Variants in FAM110A observed in about 807,000 individuals in gnomAD.
The protein encoded by FAM110A is protein FAM110A.
A neutral mutation model predicts 4.0 loss-of-function variants in FAM110A; 1 was observed. The observed-to-expected ratio is 0.25, with a 90% confidence interval of 0.09 to 1.20. FAM110A has a LOEUF of 1.20. FAM110A is among the 50% of genes most tolerant of loss of function. The pLI is 0.50. For missense variants in FAM110A, 436 were observed against 429.2 expected, an observed-to-expected ratio of 1.02 and a Z score of -0.14; for synonymous variants, 217 against 196.8, an observed-to-expected ratio of 1.10 and a Z score of -0.86.
chr20:845,098 A>G lies in FAM110A; in HGVS notation c.294A>G (p.Arg98=). ...PSRRALPGPC[R]RPQLDLDILS... ...GCCGAGCCCTGCCTGGCCCCTGCCG[A>G]CGGCCCCAGCTGGACCTGGACATCC... Residue 98 remains arginine (R), a synonymous_variant, in exon 2 of 2, where the codon CGA becomes CGG. Coordinates refer to ENST00000381941, the MANE Select transcript of FAM110A (RefSeq NM_001042353.3). The G allele has an allele frequency of 6.3e-7, 1 of 1,596,060 alleles. No homozygotes were observed. Among genetic ancestry groups the G allele is most frequent in the South Asian group, 1.1e-5 (1 of 88,778 alleles).
chr20:839,006 A>G (rs1979727149), intron 1 of FAM110A, among the ~76,000 whole-genome samples: 1 of 152,126 alleles, frequency 6.6e-6, no homozygotes, highest in African/African-American at 2.4e-5. Flanking sequence ...CCCATTTTAC[A>G]GCAGAGGAAA....
At chr20:839,407 G>A in intron 1 of FAM110A, 1 of 614,556 alleles carries the variant, frequency 1.6e-6, no homozygotes, top group Non-Finnish European at 3.0e-6. Context: ...TTTCTTTTTT[G>A]GCTGTAAGTT....
Position 845,572 on chromosome 20 carries a change from TGAG to T in FAM110A, c.772_774del (p.Glu258del), listed in dbSNP as rs774840303. 1.9e-5 allele frequency: 30 copies of T among 1,613,452 alleles called. No homozygotes were observed. Among genetic ancestry groups the T allele is most frequent in the Non-Finnish European group, 2.3e-5 (27 of 1,179,868 alleles). ...GCTCCCGCCGCAGCTCGGTGACTGT[TGAG>T]GAGCGGGCCCGGGAGCGCGTTCCCT... On this transcript the variant is annotated inframe_deletion, in exon 2 of 2. Coordinates refer to ENST00000381941, the MANE Select transcript of FAM110A (RefSeq NM_001042353.3).
chr20:844,973 C>A lies in FAM110A; in HGVS notation c.169C>A (p.Leu57Met). ...CGACAAGGCCAAGTACGTCAAGAGC[C>A]TGCACGTGGCCAACACCCGCCAGGA... is the stretch of plus-strand genomic sequence containing the variant. The part of the protein sequence containing the change: ...EADKAKYVKS[L>M]HVANTRQEPV... Residue 57 changes from leucine to methionine, a missense_variant, in exon 2 of 2, where the codon CTG (leucine) becomes ATG (methionine). Leu to Met is a conservative substitution (Grantham distance 15). Transcript: ENST00000381941. The A allele has an allele frequency of 6.3e-7, 1 of 1,596,002 alleles. No individual in the cohort carries two copies. The highest frequency in any genetic ancestry group is 1.3e-5 in the African/African-American group (1 of 74,546).
chr20:839,308 G>A (rs1184726450), intron 1 of FAM110A: 2 of 408,658 alleles, frequency 4.9e-6, no homozygotes, highest in Middle Eastern at 8.2e-4. Context: ...AGCCCTCACA[G>A]GGTAGGTGTG....
intron 1 of FAM110A, among the ~76,000 whole-genome samples, chr20:837,347 G>A (rs557398471): frequency 2.0e-5 from 3 of 152,320 alleles, no homozygotes; most frequent in African/African-American, 7.2e-5. Flanking sequence ...ACTGCACCCA[G>A]TCATGACTCT....
intron 1 of FAM110A, among the ~76,000 whole-genome samples, chr20:844,429 CTGCTCAGGT>C (rs1267141678): frequency 1.5e-4 from 3 of 19,586 alleles, no homozygotes; most frequent in African/African-American, 5.5e-4. Flanking sequence ...CCTGTCTTTT[CTGCTCAGGT>C]TGCCCAGGTC....
intron 1 of FAM110A, chr20:839,721 G>A (rs1979773793): frequency 1.6e-6 from 2 of 1,283,852 alleles, no homozygotes; most frequent in South Asian, 1.2e-5. Flanking sequence ...AATCTCTGGG[G>A]GCAGATGAAG....
chr20:844,154 C>T (rs1474742356), intron 1 of FAM110A, among the ~76,000 whole-genome samples: 1 of 152,198 alleles, frequency 6.6e-6, no homozygotes, highest in East Asian at 1.9e-4. Flanking sequence ...GTACCAGGCT[C>T]CCTGTGGGGA....
rs1171519512 is a variant in FAM110A, at chr20:845,350, G to A, written c.546G>A (p.Pro182=). ...CCGCCTCCAGCCCAGCCCGGCCGCC[G>A]GGTTTGCAACGCTCCAAGTCGGACT... is the stretch of plus-strand genomic sequence containing the variant. ...PAAASSPARP[P]GLQRSKSDLS... The change falls in exon 2 of 2, where the codon CCG becomes CCA. Residue 182 remains proline, a synonymous_variant. Coordinates refer to ENST00000381941, the MANE Select transcript of FAM110A (RefSeq NM_001042353.3). 16 of 1,601,944 alleles carry A rather than the reference G, an allele frequency of 1.0e-5. No individual in the cohort carries two copies. The highest frequency in any genetic ancestry group is 1.7e-5 in the Admixed American group (1 of 58,450).
At position 845,160 on chromosome 20, in the gene FAM110A, C is replaced by T; in HGVS notation, c.356C>T (p.Ser119Phe). The change falls in exon 2 of 2, where the codon TCC (serine) becomes TTC (phenylalanine). Residue 119 changes from serine (S) to phenylalanine (F), a missense_variant. Transcript: ENST00000381941. ...SLIDLCDSPV[S>F]PAEASRTPGR... ...ATCGACTTGTGTGACAGCCCCGTGT[C>T]CCCTGCCGAGGCCAGCCGCACTCCT... is the stretch of plus-strand genomic sequence containing the variant. 1 of 1,574,096 alleles carries T rather than the reference C, an allele frequency of 6.4e-7. No homozygotes were observed. Among genetic ancestry groups the T allele is most frequent in the African/African-American group, 1.4e-5 (1 of 73,902 alleles).
Position 833,948 on chromosome 20 carries a change from C to G in FAM110A, c.-101C>G, listed in dbSNP as rs1209327991. On this transcript the variant is annotated 5_prime_UTR_variant, in exon 1 of 2. Coordinates refer to ENST00000381941, the MANE Select transcript of FAM110A (RefSeq NM_001042353.3). This position sits in a 1 kb window ranked among gnomAD's most constrained non-coding sequence, Gnocchi z 4.1. ...AGCCGGGACACGCCTAGCGCGGGCT[C>G]CAGGTGAGGGCGCGGGTGGGTCCGG... The G allele has an allele frequency of 6.6e-6, 1 of 152,292 alleles. No individual in the cohort carries two copies. The highest frequency in any genetic ancestry group is 1.5e-5 in the Non-Finnish European group (1 of 68,124). 9.4% of individuals were successfully genotyped at this position (152,292 alleles called of 1,614,324 possible). A position where few individuals can be genotyped will look rare whatever the true frequency, so the allele number is the denominator to read the frequency against.
Position 845,156 on chromosome 20 carries a change from G to A in FAM110A, c.352G>A (p.Val118Met), listed in dbSNP as rs771378992. 8.9e-6 allele frequency: 14 copies of A among 1,574,568 alleles called. No individual in the cohort carries two copies. The highest frequency in any genetic ancestry group is 3.5e-5 in the South Asian group (3 of 86,472). The change falls in exon 2 of 2, where the codon GTG (valine) becomes ATG (methionine). Residue 118 changes from valine (V) to methionine (M), a missense_variant. Coordinates refer to ENST00000381941, the MANE Select transcript of FAM110A (RefSeq NM_001042353.3). ...CCTCATCGACTTGTGTGACAGCCCC[G>A]TGTCCCCTGCCGAGGCCAGCCGCAC... is the stretch of plus-strand genomic sequence containing the variant. ...SSLIDLCDSP[V>M]SPAEASRTPG... is the part of the protein sequence containing the mutation.
At position 845,107 on chromosome 20, in the gene FAM110A, G is replaced by A; in HGVS notation, c.303G>A (p.Gln101=). The A allele has an allele frequency of 1.3e-6, 2 of 1,593,384 alleles. No homozygotes were observed. Among genetic ancestry groups the A allele is most frequent in the African/African-American group, 1.3e-5 (1 of 74,458 alleles). ...TGCCTGGCCCCTGCCGACGGCCCCA[G>A]CTGGACCTGGACATCCTCAGCAGCC... The part of the protein sequence containing the change: ...RALPGPCRRP[Q]LDLDILSSLI... Residue 101 remains glutamine (Q), a synonymous_variant, in exon 2 of 2, where the codon CAG becomes CAA. Coordinates refer to ENST00000381941, the MANE Select transcript of FAM110A (RefSeq NM_001042353.3).
rs1408140210 is a variant in FAM110A, at chr20:836,732, T to C, written c.-98+2781T>C. Reference sequence around the variant, plus strand: ...TTTGGGTATACACTCAGAAGTGGAATTGCTGGGTGATCCTATGGCAATTCT... The same window carrying C: ...TTTGGGTATACACTCAGAAGTGGAACTGCTGGGTGATCCTATGGCAATTCT... On this transcript the variant is annotated intron_variant, in intron 1 of 1. Transcript: ENST00000381941. Among the ~76,000 whole-genome samples the C allele has an allele frequency of 2.0e-5, 3 of 152,218 alleles. 1 individual carries two copies. Among genetic ancestry groups the C allele is most frequent in the Admixed American group, 2.0e-4 (3 of 15,286 alleles).
rs565564249 is a variant in FAM110A at position 844,042 on chromosome 20, C to T, written c.-97-666C>T. On this transcript the variant is annotated intron_variant, in intron 1 of 1. Transcript: ENST00000381941. The stretch of plus-strand genomic sequence containing the variant: ...GGGGCGCGGGTGGAGATTTTCTTTG[C>T]TCCTTCCCTATAAGCTCTGCCCTTT... Among the ~76,000 whole-genome samples, 9 of 152,346 alleles carry T rather than the reference C, an allele frequency of 5.9e-5. No individual in the cohort carries two copies. The East Asian group carries it at 1.7e-3, about 29-fold the overall frequency.
Position 834,561 on chromosome 20 carries a change from C to T in FAM110A, c.-98+610C>T, listed in dbSNP as rs775245282. 2.0e-5 allele frequency among the ~76,000 whole-genome samples: 3 copies of T among 152,172 alleles called. No individual in the cohort carries two copies. The highest frequency in any genetic ancestry group is 4.4e-5 in the Non-Finnish European group (3 of 68,030). ...GAGACTTTGGAATTGGGAGTGGGGC[C>T]GGAATCCCCCCAGGTGGAGCAGCTG... On this transcript the variant is annotated intron_variant, in intron 1 of 1. Coordinates refer to ENST00000381941, the MANE Select transcript of FAM110A (RefSeq NM_001042353.3). This position sits in a 1 kb window ranked among gnomAD's most constrained non-coding sequence, Gnocchi z 5.6.
chr20:835,196 C>CTATATA (rs1479779616), intron 1 of FAM110A, among the ~76,000 whole-genome samples: 66 of 125,482 alleles, frequency 5.3e-4, no homozygotes, highest in African/African-American at 1.6e-3. Context: ...CTCTCTCTCT[C>CTATATA]TCTCTATATA....
Position 845,791 on chromosome 20 carries a change from G to T in FAM110A, c.*99G>T. On this transcript the variant is annotated 3_prime_UTR_variant, in exon 2 of 2. Coordinates refer to ENST00000381941, the MANE Select transcript of FAM110A (RefSeq NM_001042353.3). ...CATTCTCTAGACGGCCGTGTCAGAG[G>T]CTCCACCCTGTTGTGAACTTGGTAT... 1.3e-6 allele frequency: 2 copies of T among 1,530,338 alleles called. No homozygotes were observed. The highest frequency in any genetic ancestry group is 1.8e-6 in the Non-Finnish European group (2 of 1,139,020). The allele number at this position is 1,530,338 out of a possible 1,614,324, so 94.8% of individuals were successfully genotyped here. A position where few individuals can be genotyped will look rare whatever the true frequency, so the allele number is the denominator to read the frequency against.
Sources: gnomAD v4.1 joint callset for allele counts (sites outside exome capture counted in the v4.1 genomes callset) on GRCh38, gnomAD v4.1.1 for gene constraint, Gnocchi (gnomAD v3.1) non-coding constraint, MANE v1.5 for transcripts, NCBI Gene and HGNC (gene_info 2026-07-23, HGNC 2026-07-21) for gene names.